DNAI3: variants seen among roughly 807,000 people sequenced by gnomAD.
DNAI3 encodes dynein axonemal intermediate chain 3.
A neutral mutation model predicts 115.5 loss-of-function variants in DNAI3; 83 were observed. That is an observed-to-expected ratio of 0.72 (90% CI 0.60 to 0.86). The LOEUF is 0.86. Ranked by LOEUF, DNAI3 falls within the 40% of genes least tolerant of loss-of-function variation. The probability of loss-of-function intolerance (pLI) is 0.00; values close to 1 mark genes in which losing one functional copy is unlikely to be tolerated. For missense variants in DNAI3, 1,004 were observed against 1,075.8 expected, an observed-to-expected ratio of 0.93 and a Z score of 0.93; for synonymous variants, 320 against 347.0, an observed-to-expected ratio of 0.92 and a Z score of 0.86.
At chr1:85,116,627 G>A (rs1356114241) in intron 16 of DNAI3, among the ~76,000 whole-genome samples, 1 of 152,146 alleles carries the variant, frequency 6.6e-6, no homozygotes, top group Non-Finnish European at 1.5e-5. Context: ...GATTTTAATT[G>A]TATACATTAA....
In DNAI3 at chr1:85,086,038, T is replaced by C. The variant is rs748243439; in HGVS notation, c.740+8T>C. 1 of 1,612,170 alleles carries C rather than the reference T, an allele frequency of 6.2e-7. No homozygotes were observed. Among genetic ancestry groups the C allele is most frequent in the South Asian group, 1.1e-5 (1 of 90,538 alleles). On this transcript the variant is annotated splice_region_variant and intron_variant, in intron 7 of 22. Coordinates refer to ENST00000294664, the MANE Select transcript of DNAI3 (RefSeq NM_145172.5). ...AAGCACTCAGACAAAATGGTAAGTA[T>C]GTGATGGGTGTATGTAATTTTATAG...
chr1:85,080,154 C>T (rs1283483710), intron 3 of DNAI3, among the ~76,000 whole-genome samples: 1 of 149,930 alleles, frequency 6.7e-6, no homozygotes, highest in Non-Finnish European at 1.5e-5. Flanking sequence ...CAGGTTAACA[C>T]CATTCTCCTG....
intron 14 of DNAI3, among the ~76,000 whole-genome samples, chr1:85,105,022 G>C (rs1193288904): frequency 6.6e-6 from 1 of 152,144 alleles, no homozygotes; most frequent in Non-Finnish European, 1.5e-5. Flanking sequence ...TAGCTACTTT[G>C]AAGAAGATTT....
chr1:85,104,561 G>T lies in DNAI3; in HGVS notation c.1517G>T (p.Gly506Val), dbSNP rs373566519. Reference sequence around the variant, plus strand: ...GGCTCCGTCTTTGAGAATCGAAGTGGAATATGCTGTCAACTTGTCACATGT... The same window carrying T: ...GGCTCCGTCTTTGAGAATCGAAGTGTAATATGCTGTCAACTTGTCACATGT... ...RMGSVFENRS[G>V]ICCQLVTCSA... is the part of the protein sequence containing the mutation. The change falls in exon 14 of 23, where the codon GGA (glycine) becomes GTA (valine). Residue 506 changes from glycine (G) to valine (V), a missense_variant. Physicochemically the swap from Gly to Val is moderately radical, Grantham distance 109 (BLOSUM62 -3). Transcript: ENST00000294664. 4 of 1,613,948 alleles carry T rather than the reference G, an allele frequency of 2.5e-6. No homozygotes were observed. Among genetic ancestry groups the T allele is most frequent in the East Asian group, 2.2e-5 (1 of 44,842 alleles).
At chr1:85,084,801 T>G (rs989476342) in intron 6 of DNAI3, 106 bp downstream of exon 6, 7 of 1,154,474 alleles carry the variant, frequency 6.1e-6, no homozygotes, top group Admixed American at 3.3e-5. Context: ...GAGGCATAGT[T>G]TTTGGTGTGT....
chr1:85,114,503 C>T (rs1655756467), intron 16 of DNAI3, among the ~76,000 whole-genome samples: 1 of 152,090 alleles, frequency 6.6e-6, no homozygotes, highest in Non-Finnish European at 1.5e-5. Context: ...CTGTGTAGAG[C>T]CTCCAGAATG....
At chr1:85,126,489 CT>C (rs770944580) in intron 19 of DNAI3, 21 bp from the exon 20 acceptor site, 2 of 1,593,988 alleles carry the variant, frequency 1.3e-6, no homozygotes, top group African/African-American at 2.7e-5. Context: ...CTTTATTTGT[CT>C]TTTTAAAAAT....
intron 11 of DNAI3, among the ~76,000 whole-genome samples, chr1:85,097,023 G>T (rs1311995444): frequency 6.6e-6 from 1 of 152,068 alleles, no homozygotes; most frequent in Non-Finnish European, 1.5e-5. Flanking sequence ...TTAGTGTACT[G>T]AAATACCTTT....
At chr1:85,064,590 G>A (rs1359734098) in intron 1 of DNAI3, among the ~76,000 whole-genome samples, 1 of 152,084 alleles carries the variant, frequency 6.6e-6, no homozygotes, top group Non-Finnish European at 1.5e-5. Flanking sequence ...ATGTTTGTTT[G>A]TTTGTTTGTT....
intron 4 of DNAI3, 49 bp from the exon 5 acceptor site, chr1:85,082,251 C>A: frequency 7.0e-7 from 1 of 1,426,982 alleles, no homozygotes; most frequent in Non-Finnish European, 9.8e-7. Context: ...TCAAAATAAA[C>A]TGAATGACCA....
At chr1:85,120,038 T>C (rs1655945082) in intron 17 of DNAI3, among the ~76,000 whole-genome samples, 2 of 152,218 alleles carry the variant, frequency 1.3e-5, no homozygotes. Flanking sequence ...TTGCCTGCCT[T>C]TGGAGGCCTT....
intron 16 of DNAI3, among the ~76,000 whole-genome samples, chr1:85,110,670 C>G (rs1490149257): frequency 6.6e-6 from 1 of 152,014 alleles, no homozygotes; most frequent in Non-Finnish European, 1.5e-5. Context: ...ATTTCAGCTT[C>G]TCAAAATATT....
At chr1:85,122,262 A>G (rs540475647) in intron 18 of DNAI3, among the ~76,000 whole-genome samples, 1 of 152,212 alleles carries the variant, frequency 6.6e-6, no homozygotes, top group East Asian at 1.9e-4. Context: ...AGAAGACCCC[A>G]GCAGAGTATG....
At chr1:85,095,462 CAG>C (rs1222925021) in intron 10 of DNAI3, among the ~76,000 whole-genome samples, 1 of 152,110 alleles carries the variant, frequency 6.6e-6, no homozygotes, top group African/African-American at 2.4e-5. Flanking sequence ...GCCACAAAAA[CAG>C]AGCCACTCTC....
chr1:85,103,754 G>A (rs1039924607), intron 13 of DNAI3, among the ~76,000 whole-genome samples: 4 of 151,846 alleles, frequency 2.6e-5, no homozygotes, highest in South Asian at 2.1e-4. Flanking sequence ...GGGCATGGTG[G>A]CACATGCCTG....
At chr1:85,094,944 G>T (rs541990471) in intron 10 of DNAI3, among the ~76,000 whole-genome samples, 4 of 152,192 alleles carry the variant, frequency 2.6e-5, no homozygotes, top group Non-Finnish European at 5.9e-5. Context: ...ACTGGGGAGT[G>T]GTAGGGACTG....
In DNAI3 at chr1:85,132,836, G is replaced by C; in HGVS notation, c.2533-19G>C. On this transcript the variant is annotated intron_variant, in intron 22 of 22. Transcript: ENST00000294664. ...TATCAGTGTTTTATAGGGATGTCTTGTTTTTCTTCCCCCCCCAGAAAACAT... is the reference window on the plus strand; with the variant it reads ...TATCAGTGTTTTATAGGGATGTCTTCTTTTTCTTCCCCCCCCAGAAAACAT... 6.8e-7 allele frequency: 1 copy of C among 1,468,094 alleles called. No homozygotes were observed. The highest frequency in any genetic ancestry group is 1.2e-5 in the South Asian group (1 of 85,876). 90.9% of individuals were successfully genotyped at this position (1,468,094 alleles called of 1,614,324 possible).
At chr1:85,072,034 T>A (rs772919112) in intron 2 of DNAI3, 29 bp downstream of exon 2, 1 of 1,593,898 alleles carries the variant, frequency 6.3e-7, no homozygotes, top group Non-Finnish European at 8.5e-7. Context: ...TGAATGGGAT[T>A]TTTTGTGGAG....
intron 3 of DNAI3, among the ~76,000 whole-genome samples, chr1:85,077,821 T>G (rs895773191): frequency 3.3e-5 from 5 of 151,892 alleles, no homozygotes; most frequent in Non-Finnish European, 7.4e-5. Flanking sequence ...TTATCGTTTG[T>G]CAATTATAAC....
Sources: gnomAD v4.1 joint callset for allele counts (sites outside exome capture counted in the v4.1 genomes callset) on GRCh38, gnomAD v4.1.1 for gene constraint, MANE v1.5 for transcripts, NCBI Gene and HGNC (gene_info 2026-07-23, HGNC 2026-07-21) for gene names.